LOXHD1: variants seen among roughly 807,000 people sequenced by gnomAD.
The protein encoded by LOXHD1 is lipoxygenase homology domain-containing protein 1.
A neutral mutation model predicts 248.2 loss-of-function variants in LOXHD1; 205 were observed. The ratio of observed to expected loss-of-function variants is 0.83; its 90% CI spans 0.74 to 0.93. The LOEUF (loss-of-function observed/expected upper bound fraction) is 0.93. Ranked by LOEUF, LOXHD1 falls within the 40% of genes least tolerant of loss-of-function variation. The pLI is 0.00. For missense variants in LOXHD1, 2,930 were observed against 2,971.6 expected (o/e 0.99, Z 0.33); for synonymous variants, 1,113 against 1,162.8 (o/e 0.96, Z 0.87).
intron 19 of LOXHD1, 96 bp downstream of exon 19, chr18:46,559,987 G>T: frequency 7.3e-7 from 1 of 1,375,228 alleles, no homozygotes; most frequent in Non-Finnish European, 9.9e-7. Flanking sequence ...TGGCCTCCAC[G>T]TGAGGGGGAT....
intron 24 of LOXHD1, 53 bp downstream of exon 24, chr18:46,542,674 C>T: frequency 1.3e-6 from 2 of 1,545,254 alleles, no homozygotes; most frequent in Non-Finnish European, 1.7e-6. Context: ...CCACAAGGAC[C>T]TGTCCATGGT....
rs909065316 is a variant in LOXHD1, at chr18:46,541,742, G to T, written c.3913+34C>A. 1.9e-6 allele frequency: 3 copies of T among 1,550,952 alleles called. No homozygotes were observed. In the African/African-American group the frequency reaches 4.1e-5, roughly 21 times the overall value. ...TGGGGTAGCTGGTGATGGGGCCCCA[G>T]AGAAGGGCTGGCCTTGCCGTGTGTG... On this transcript the variant is annotated intron_variant, in intron 25 of 40. Coordinates refer to ENST00000642948, the MANE Select transcript of LOXHD1 (RefSeq NM_001384474.1).
At chr18:46,549,722 T>C (rs903824351) in intron 21 of LOXHD1, among the ~76,000 whole-genome samples, 1 of 152,234 alleles carries the variant, frequency 6.6e-6, no homozygotes, top group Non-Finnish European at 1.5e-5. Flanking sequence ...GTTCAACCCT[T>C]TCTGGAAATC....
chr18:46,590,575 T>C (rs1313856739), intron 12 of LOXHD1, among the ~76,000 whole-genome samples: 1 of 152,204 alleles, frequency 6.6e-6, no homozygotes, highest in East Asian at 1.9e-4. Context: ...ATCAGGTTAG[T>C]GCAAAAGTAA....
intron 5 of LOXHD1, among the ~76,000 whole-genome samples, chr18:46,615,568 G>C (rs1042569501): frequency 2.0e-5 from 3 of 152,174 alleles, no homozygotes; most frequent in Admixed American, 1.3e-4. Context: ...TATGATCAAA[G>C]AATGTTGTCC....
chr18:46,600,032 A>G (rs553596234), intron 8 of LOXHD1, among the ~76,000 whole-genome samples: 11 of 152,326 alleles, frequency 7.2e-5, no homozygotes, highest in Non-Finnish European at 1.3e-4. Flanking sequence ...TAGTTATCCT[A>G]TAAAGCTGAA....
At chr18:46,639,136 T>C (rs1190343939) in intron 4 of LOXHD1, among the ~76,000 whole-genome samples, 1 of 152,244 alleles carries the variant, frequency 6.6e-6, no homozygotes, top group African/African-American at 2.4e-5. Context: ...GTTGTTTTAC[T>C]CCTCATAAAA....
chr18:46,599,560 C>A (rs1024072929), intron 8 of LOXHD1, among the ~76,000 whole-genome samples: 1 of 151,934 alleles, frequency 6.6e-6, no homozygotes, highest in African/African-American at 2.4e-5. Flanking sequence ...TCATTAATAC[C>A]AAATGCATTA....
chr18:46,530,379 C>T (rs1458358223), intron 28 of LOXHD1, among the ~76,000 whole-genome samples: 1 of 152,176 alleles, frequency 6.6e-6, no homozygotes, highest in Non-Finnish European at 1.5e-5. Context: ...TTGAAGGGGG[C>T]CTCAAGGGTA....
intron 17 of LOXHD1, 120 bp downstream of exon 17, chr18:46,566,137 A>T: frequency 1.8e-6 from 2 of 1,113,004 alleles, no homozygotes; most frequent in Non-Finnish European, 2.5e-6. Flanking sequence ...TTCTCCCTGC[A>T]GGACCCTACC....
At chr18:46,613,827 T>C (rs1185935105) in intron 5 of LOXHD1, among the ~76,000 whole-genome samples, 1 of 152,220 alleles carries the variant, frequency 6.6e-6, no homozygotes, top group Non-Finnish European at 1.5e-5. Context: ...TAATAAATTA[T>C]ACAAATAGAC....
At chr18:46,631,430 C>A (rs1171723936) in intron 4 of LOXHD1, among the ~76,000 whole-genome samples, 1 of 152,142 alleles carries the variant, frequency 6.6e-6, no homozygotes, top group African/African-American at 2.4e-5. Flanking sequence ...CCTTACATAT[C>A]CCTGATTGCA....
intron 5 of LOXHD1, among the ~76,000 whole-genome samples, chr18:46,617,471 C>T (rs969142066): frequency 2.6e-5 from 4 of 152,128 alleles, no homozygotes; most frequent in African/African-American, 7.2e-5. Flanking sequence ...GCCACCACAT[C>T]TATTCATAGT....
At chr18:46,584,809 T>A (rs1599028131) in intron 12 of LOXHD1, among the ~76,000 whole-genome samples, 1 of 152,026 alleles carries the variant, frequency 6.6e-6, no homozygotes, top group East Asian at 1.9e-4. Context: ...GATGCAAAAA[T>A]CTTCAACAAA....
rs112592960 is a variant in LOXHD1, at chr18:46,518,337, A to C, written c.5272-81T>G. 1.4e-5 allele frequency: 21 copies of C among 1,475,496 alleles called. No homozygotes were observed. In the South Asian group the frequency reaches 2.7e-4, roughly 19 times the overall value. 91.4% of individuals were successfully genotyped at this position (1,475,496 alleles called of 1,614,324 possible). ...GACCTGCCTCAGTCTCACCAGAGAA[A>C]GAGACACACTGTCCAAGTTCCACAG... On this transcript the variant is annotated intron_variant, in intron 33 of 40. Transcript: ENST00000642948.
At chr18:46,524,430 C>T in intron 31 of LOXHD1, 36 bp downstream of exon 31, 1 of 1,540,192 alleles carries the variant, frequency 6.5e-7, no homozygotes, top group South Asian at 1.2e-5. Context: ...TTCCATGTGC[C>T]TGGCCCCCGT....
At chr18:46,645,920 C>T (rs906222991) in intron 2 of LOXHD1, among the ~76,000 whole-genome samples, 9 of 152,042 alleles carry the variant, frequency 5.9e-5, no homozygotes, top group African/African-American at 1.4e-4. Context: ...TGAGACATGA[C>T]GAGAGATCAC....
At chr18:46,557,591 A>G (rs2037395859) in intron 20 of LOXHD1, 102 bp from the exon 21 acceptor site, 1 of 1,403,630 alleles carries the variant, frequency 7.1e-7, no homozygotes, top group South Asian at 1.3e-5. Flanking sequence ...CCAGAGGCCA[A>G]TGGTGAGACC....
At chr18:46,520,119 T>TG (rs1393461090) in intron 33 of LOXHD1, among the ~76,000 whole-genome samples, 2 of 152,190 alleles carry the variant, frequency 1.3e-5, no homozygotes, top group African/African-American at 4.8e-5. Flanking sequence ...TGGAGATGTC[T>TG]GGGGGGTAGG....
Sources: gnomAD v4.1 joint callset for allele counts (sites outside exome capture counted in the v4.1 genomes callset) on GRCh38, gnomAD v4.1.1 for gene constraint, MANE v1.5 for transcripts, NCBI Gene and HGNC (gene_info 2026-07-23, HGNC 2026-07-21) for gene names.